Variants in ARSB observed in about 807,000 individuals in gnomAD.
ARSB encodes the protein N-acetylgalactosamine-4-sulfatase.
ARSB carries 41 observed loss-of-function variants against 50.9 expected under a neutral mutation model. The ratio of observed to expected loss-of-function variants is 0.81; its 90% CI spans 0.63 to 1.04. The LOEUF is 1.04. Ranked by LOEUF, ARSB falls within the 50% of genes least tolerant of loss-of-function variation. ARSB has a pLI of 0.00. For missense variants in ARSB, 672 were observed against 693.3 expected (o/e 0.97, Z 0.35); for synonymous variants, 269 against 284.8 (o/e 0.94, Z 0.56).
chr5:78,971,868 A>G (rs1270211074), intron 1 of ARSB, among the ~76,000 whole-genome samples: 1 of 152,254 alleles, frequency 6.6e-6, no homozygotes, highest in Non-Finnish European at 1.5e-5. Flanking sequence ...TGAAGTGTGT[A>G]CAGTTCATTG....
In ARSB at chr5:78,781,976, T is replaced by C. The variant is rs1554069808; in HGVS notation, c.1214-2A>G. On this transcript the variant is annotated splice_acceptor_variant, in intron 6 of 7. Transcript: ENST00000264914. LOFTEE classifies it high-confidence loss of function. ...CTGGAGCCATGCTGTTCCTGGGACC[T>C]GGGAAGAAATAGTTTGAAAGAATTA... The C allele has an allele frequency of 1.2e-6, 2 of 1,614,116 alleles. No individual in the cohort carries two copies. The highest frequency in any genetic ancestry group is 1.7e-6 in the Non-Finnish European group (2 of 1,179,954).
chr5:78,955,796 C>T (rs1442320877), intron 3 of ARSB, among the ~76,000 whole-genome samples: 1 of 152,180 alleles, frequency 6.6e-6, no homozygotes, highest in African/African-American at 2.4e-5. Flanking sequence ...TCAACATCAT[C>T]AGTCATTATT....
intron 1 of ARSB, among the ~76,000 whole-genome samples, chr5:78,969,411 G>A (rs778366460): frequency 2.6e-5 from 4 of 152,026 alleles, no homozygotes; most frequent in Admixed American, 2.0e-4. Context: ...CCATTCCAAC[G>A]AACAGATATT....
intron 5 of ARSB, among the ~76,000 whole-genome samples, chr5:78,877,277 G>T (rs1003872254): frequency 1.3e-5 from 2 of 152,184 alleles, no homozygotes; most frequent in African/African-American, 2.4e-5. Flanking sequence ...TGTAGACTGA[G>T]CACTGCTCTG....
chr5:78,841,159 C>CTAATAATAATAATAATAATAA (rs1491359597), intron 5 of ARSB, among the ~76,000 whole-genome samples: 1,120 of 94,050 alleles, frequency 0.012, 6 homozygotes, highest in Non-Finnish European at 0.019. Context: ...ACTACTACTA[C>CTAATAATAATAATAATAATAA]TACTACTACT....
At chr5:78,879,884 C>T (rs1003845465) in intron 5 of ARSB, among the ~76,000 whole-genome samples, 3 of 151,844 alleles carry the variant, frequency 2.0e-5, no homozygotes, top group Non-Finnish European at 4.4e-5. Context: ...AGAATGAGAG[C>T]GGTTTTTTGC....
intron 6 of ARSB, among the ~76,000 whole-genome samples, chr5:78,806,956 T>C (rs188433708): frequency 6.6e-6 from 1 of 152,308 alleles, no homozygotes; most frequent in East Asian, 1.9e-4. Context: ...CCCTGTCACC[T>C]CCGATTAGCT....
chr5:78,948,403 ACT>A (rs1751346725), intron 4 of ARSB, among the ~76,000 whole-genome samples: 1 of 152,096 alleles, frequency 6.6e-6, no homozygotes, highest in South Asian at 2.1e-4. Flanking sequence ...TATCTCATGT[ACT>A]CCATAAATAT....
At chr5:78,853,129 C>T (rs965359000) in intron 5 of ARSB, among the ~76,000 whole-genome samples, 13 of 152,342 alleles carry the variant, frequency 8.5e-5, no homozygotes, top group South Asian at 8.3e-4. Context: ...AGAGGAGAGG[C>T]GCTCTGTTTT....
chr5:78,902,472 C>G (rs1243527164), intron 4 of ARSB, among the ~76,000 whole-genome samples: 1 of 152,162 alleles, frequency 6.6e-6, no homozygotes, highest in Admixed American at 6.5e-5. Flanking sequence ...CAGCATTATT[C>G]ATAATAGCCC....
chr5:78,791,838 C>T (rs986655860), intron 6 of ARSB, among the ~76,000 whole-genome samples: 4 of 152,158 alleles, frequency 2.6e-5, no homozygotes, highest in African/African-American at 4.8e-5. Context: ...AACCTCTTTG[C>T]TTAATTTTTG....
At chr5:78,841,180 A>ATAATAATAATAATAG (rs1745200701) in intron 5 of ARSB, among the ~76,000 whole-genome samples, 1 of 98,086 alleles carries the variant, frequency 1.0e-5, no homozygotes, top group South Asian at 3.4e-4. Context: ...AATAATAATA[A>ATAATAATAATAATAG]TAATTTGAGC....
At chr5:78,914,270 A>G (rs560375387) in intron 4 of ARSB, among the ~76,000 whole-genome samples, 1 of 152,198 alleles carries the variant, frequency 6.6e-6, no homozygotes, top group East Asian at 1.9e-4. Flanking sequence ...CAGCAGCCAC[A>G]TATTAATATT....
chr5:78,863,418 T>C (rs1011098574), intron 5 of ARSB, among the ~76,000 whole-genome samples: 2 of 152,108 alleles, frequency 1.3e-5, no homozygotes, highest in Admixed American at 1.3e-4. Context: ...CATGGAATAC[T>C]GTACAGCCAT....
rs1171277553 is a variant in ARSB at position 78,781,899 on chromosome 5, T to C, written c.1289A>G (p.His430Arg). The change falls in exon 7 of 8, where the codon CAT becomes CGT. Residue 430 changes from histidine to arginine, a missense_variant. His to Arg is a conservative substitution (Grantham distance 29, BLOSUM62 0). Coordinates refer to ENST00000264914, the MANE Select transcript of ARSB (RefSeq NM_000046.5). ...CCAATTTCCATGTCTAATTGCAGCA[T>C]GGACAGATGTGTTAAAGGCTGAATA... ...PEYSAFNTSV[H>R]AAIRHGNWKL... 3.7e-6 allele frequency: 6 copies of C among 1,614,140 alleles called. No individual in the cohort carries two copies. Among genetic ancestry groups the C allele is most frequent in the Non-Finnish European group, 5.1e-6 (6 of 1,179,966 alleles).
rs545493363 is a variant in ARSB at position 78,930,333 on chromosome 5, C to T, written c.898+24962G>A. Among the ~76,000 whole-genome samples, 24 of 152,200 alleles carry T rather than the reference C, an allele frequency of 1.6e-4. No individual in the cohort carries two copies. The South Asian group carries it at 2.9e-3, about 18-fold the overall frequency. On this transcript the variant is annotated intron_variant, in intron 4 of 7. Transcript: ENST00000264914. The stretch of plus-strand genomic sequence containing the variant: ...TATATAACTTTTTTGGTAGCTTCCA[C>T]GGCAATGGATGTCATTCTTAATGTT...
intron 5 of ARSB, among the ~76,000 whole-genome samples, chr5:78,853,832 C>T (rs545844722): frequency 2.3e-3 from 351 of 152,330 alleles, no homozygotes; most frequent in Non-Finnish European, 4.3e-3. Flanking sequence ...TAGCAATCAG[C>T]GAAACTCTGT....
chr5:78,885,111 T>C (rs900002033), intron 5 of ARSB: 23 of 158,940 alleles, frequency 1.4e-4, no homozygotes, highest in South Asian at 1.2e-3. Flanking sequence ...GACTTGTTCA[T>C]TCCTAATTTC....
intron 6 of ARSB, among the ~76,000 whole-genome samples, chr5:78,807,248 C>T (rs1316870013): frequency 6.6e-6 from 1 of 152,172 alleles, no homozygotes; most frequent in Non-Finnish European, 1.5e-5. Context: ...TAATCCAGGG[C>T]CAAGCCTGCC....
Sources: allele counts gnomAD v4.1 joint callset (sites outside exome capture counted in the v4.1 genomes callset), GRCh38; gene constraint gnomAD v4.1.1; transcripts MANE v1.5; gene names NCBI Gene and HGNC (gene_info 2026-07-23, HGNC 2026-07-21).